VMP1: variants seen among roughly 807,000 people sequenced by gnomAD.
VMP1 encodes vacuole membrane protein 1, also known as ectopic P-granules autophagy protein 3 homolog.
In VMP1, 11 loss-of-function variants were observed where a neutral mutation model predicts 56.0. The observed-to-expected ratio is 0.20, with a 90% CI of 0.12 to 0.32. VMP1 has a LOEUF of 0.32. Among genes scored for constraint, VMP1 ranks in the 10% least tolerant of loss-of-function variants. The probability of loss-of-function intolerance (pLI) is 1.00; values close to 1 mark genes in which losing one functional copy is unlikely to be tolerated. For missense variants in VMP1, 296 were observed against 490.3 expected, an observed-to-expected ratio of 0.60 and a Z score of 3.74; for synonymous variants, 149 against 165.0, an observed-to-expected ratio of 0.90 and a Z score of 0.74.
chr17:59,733,824 A>G (rs2034921799), intron 2 of VMP1, among the ~76,000 whole-genome samples: 5 of 152,250 alleles, frequency 3.3e-5, no homozygotes, highest in Non-Finnish European at 2.9e-5. Flanking sequence ...ATATGAGCTC[A>G]TTTAATCCTT....
At chr17:59,759,993 A>G (rs543760179) in intron 5 of VMP1, among the ~76,000 whole-genome samples, 2 of 145,636 alleles carry the variant, frequency 1.4e-5, no homozygotes, top group South Asian at 2.2e-4. Context: ...AGGTGTAGTG[A>G]TGCATGCCTG....
At chr17:59,711,117 C>T (rs2033914428) in intron 1 of VMP1, among the ~76,000 whole-genome samples, 1 of 148,316 alleles carries the variant, frequency 6.7e-6, no homozygotes, top group Non-Finnish European at 1.5e-5. Flanking sequence ...TAGGAGAGAA[C>T]TGTATTATTT....
At chr17:59,803,147 C>G (rs1334079431) in intron 7 of VMP1, among the ~76,000 whole-genome samples, 1 of 152,206 alleles carries the variant, frequency 6.6e-6, no homozygotes, top group Non-Finnish European at 1.5e-5. Context: ...TATTTACATT[C>G]ATGTTGACAT....
chr17:59,823,738 G>C (rs1307964530), intron 10 of VMP1, among the ~76,000 whole-genome samples: 1 of 151,574 alleles, frequency 6.6e-6, no homozygotes, highest in Admixed American at 6.6e-5. Flanking sequence ...GTGACAGAGC[G>C]AGACTCTGCC....
chr17:59,814,471 G>A (rs1357570240), intron 9 of VMP1, among the ~76,000 whole-genome samples: 3 of 152,318 alleles, frequency 2.0e-5, no homozygotes, highest in Non-Finnish European at 2.9e-5. Flanking sequence ...TTCAAGTTCA[G>A]TGTTCTTTCC....
At chr17:59,829,574 G>T (rs1373187951) in intron 10 of VMP1, among the ~76,000 whole-genome samples, 1 of 152,162 alleles carries the variant, frequency 6.6e-6, no homozygotes, top group East Asian at 1.9e-4. Flanking sequence ...TAAAATACTA[G>T]CCGTTAAGCC....
Position 59,839,754 on chromosome 17 carries a change from A to G in VMP1, c.1078-14A>G. On this transcript the variant is annotated splice_polypyrimidine_tract_variant and intron_variant, in intron 11 of 11. Transcript: ENST00000262291. Reference sequence around the variant, plus strand: ...AGCCTTTTTCATTGCATTGTTCTGCATTTATTTCTACAGGGAGAAAACTGG... The same window carrying G: ...AGCCTTTTTCATTGCATTGTTCTGCGTTTATTTCTACAGGGAGAAAACTGG... The G allele has an allele frequency of 1.2e-6, 2 of 1,605,722 alleles. No homozygotes were observed. Among genetic ancestry groups the G allele is most frequent in the Non-Finnish European group, 1.7e-6 (2 of 1,178,034 alleles).
chr17:59,826,471 GA>G lies in VMP1; in HGVS notation c.974+8699del, dbSNP rs1180088768. 2.1e-4 allele frequency among the ~76,000 whole-genome samples: 32 copies of G among 152,252 alleles called. No individual in the cohort carries two copies. The East Asian group carries it at 6.0e-3, about 28-fold the overall frequency. On this transcript the variant is annotated intron_variant, in intron 10 of 11. Coordinates refer to ENST00000262291, the MANE Select transcript of VMP1 (RefSeq NM_030938.5). ...TTTAATTGTTTTGTAAATATTTGTT[GA>G]CCAGATGAATTAATTCATTCATTAA...
At chr17:59,708,014 A>T (rs1359483421) in intron 1 of VMP1, 1 of 152,200 alleles carries the variant, frequency 6.6e-6, no homozygotes, top group Non-Finnish European at 1.5e-5. Flanking sequence ...CTCTCCGCGT[A>T]CTTGGAAGCC....
At chr17:59,805,635 G>A (rs1047725202) in intron 7 of VMP1, among the ~76,000 whole-genome samples, 7 of 149,578 alleles carry the variant, frequency 4.7e-5, no homozygotes, top group African/African-American at 1.5e-4. Context: ...TTAAGATAAT[G>A]CTCTTTGGCA....
At chr17:59,751,740 G>A (rs75770655) in intron 5 of VMP1, among the ~76,000 whole-genome samples, 1 of 91,630 alleles carries the variant, frequency 1.1e-5, no homozygotes, top group South Asian at 4.5e-4. Flanking sequence ...GCAAAACTCC[G>A]TCTCAAAAAA....
Position 59,721,100 on chromosome 17 carries a change from C to T in VMP1, c.-26-10321C>T, listed in dbSNP as rs575567404. On this transcript the variant is annotated intron_variant, in intron 1 of 11. Coordinates refer to ENST00000262291, the MANE Select transcript of VMP1 (RefSeq NM_030938.5). ...GTGGCTCACACCTGTAATCCCAGCA[C>T]TTTGGGAGGCCAAGGTGGGCAGATC... is the stretch of plus-strand genomic sequence containing the variant. Among the ~76,000 whole-genome samples, 51 of 152,238 alleles carry T rather than the reference C, an allele frequency of 3.4e-4. 1 individual carries two copies. Among genetic ancestry groups the T allele is most frequent in the African/African-American group, 1.0e-3 (42 of 41,526 alleles).
chr17:59,834,978 T>C (rs570622956), intron 10 of VMP1, among the ~76,000 whole-genome samples: 1 of 152,204 alleles, frequency 6.6e-6, no homozygotes, highest in East Asian at 1.9e-4. Flanking sequence ...CAGGCTGGTC[T>C]TGAACTCCTG....
chr17:59,834,785 C>T (rs545194797), intron 10 of VMP1, among the ~76,000 whole-genome samples: 6 of 152,136 alleles, frequency 3.9e-5, no homozygotes, highest in Non-Finnish European at 7.3e-5. Context: ...CCATCATGCC[C>T]GGCTAATTTT....
chr17:59,731,437 G>T lies in VMP1; in HGVS notation c.-10G>T. On this transcript the variant is annotated 5_prime_UTR_variant, in exon 2 of 12. Transcript: ENST00000262291. ...CTGTATTAGCTCCTCAAGAGTTACT[G>T]ATCTATGAAATGGCAGAGAATGGAA... The T allele has an allele frequency of 6.3e-7, 1 of 1,594,410 alleles. No individual in the cohort carries two copies. Among genetic ancestry groups the T allele is most frequent in the South Asian group, 1.1e-5 (1 of 87,404 alleles).
chr17:59,722,924 C>T (rs2034456320), intron 1 of VMP1, among the ~76,000 whole-genome samples: 1 of 152,150 alleles, frequency 6.6e-6, no homozygotes, highest in Admixed American at 6.5e-5. Flanking sequence ...CATTTTGGGG[C>T]CAGCTCTTAC....
chr17:59,755,925 C>T (rs2035825372), intron 5 of VMP1, among the ~76,000 whole-genome samples: 1 of 151,666 alleles, frequency 6.6e-6, no homozygotes, highest in Non-Finnish European at 1.5e-5. Context: ...TTAGTAGAGA[C>T]GGAATCTCAC....
intron 9 of VMP1, among the ~76,000 whole-genome samples, chr17:59,813,571 CAA>C (rs35095805): frequency 7.3e-5 from 8 of 110,082 alleles, no homozygotes; most frequent in Admixed American, 9.8e-5. Flanking sequence ...GAGTTTGTCT[CAA>C]AAAAAAAAAA....
intron 5 of VMP1, among the ~76,000 whole-genome samples, chr17:59,752,803 A>G (rs1489999798): frequency 2.0e-5 from 3 of 152,180 alleles, no homozygotes; most frequent in Non-Finnish European, 4.4e-5. Context: ...GTAAAATTAC[A>G]ATGGATTAGG....
Sources: allele counts gnomAD v4.1 joint callset (sites outside exome capture counted in the v4.1 genomes callset), GRCh38; gene constraint gnomAD v4.1.1; transcripts MANE v1.5; gene names NCBI Gene and HGNC (gene_info 2026-07-23, HGNC 2026-07-21).